The following CEP83 variants were observed in gnomAD, a reference collection of about 807,000 sequenced individuals.
CEP83 encodes centrosomal protein of 83 kDa.
A neutral mutation model predicts 101.9 loss-of-function variants in CEP83; 70 were observed. The observed-to-expected ratio is 0.69, with a 90% CI of 0.57 to 0.84. CEP83 has a LOEUF of 0.84. CEP83 is among the 40% of genes least tolerant of loss of function. The pLI, the probability that CEP83 is intolerant of heterozygous loss-of-function variation, is 0.00. For synonymous variants in CEP83, 264 were observed against 267.9 expected, an observed-to-expected ratio of 0.99 and a Z score of 0.14; for missense variants, 715 against 787.2, an observed-to-expected ratio of 0.91 and a Z score of 1.10.
chr12:94,449,325 C>T (rs1441360835), intron 1 of CEP83, among the ~76,000 whole-genome samples: 1 of 152,178 alleles, frequency 6.6e-6, no homozygotes, highest in African/African-American at 2.4e-5. Context: ...CACAACTGCA[C>T]TAATGAATGC....
At position 94,417,012 on chromosome 12, in the gene CEP83, C is replaced by T. The variant is rs145395903; in HGVS notation, c.-101-4421G>A. On this transcript the variant is annotated intron_variant, in intron 2 of 16. Coordinates refer to ENST00000397809, the MANE Select transcript of CEP83 (RefSeq NM_016122.3). ...AAAAAAACTAAGGTGTCAACAGAGG[C>T]CATCTTAGAAACCTCGACTTGCTAG... Among the ~76,000 whole-genome samples the T allele has an allele frequency of 5.7e-3, 867 of 152,204 alleles. 3 individuals carry two copies. The highest frequency in any genetic ancestry group is 0.02 in the Middle Eastern group (6 of 294).
In CEP83 at chr12:94,322,105, G is replaced by A. The variant is rs543747245; in HGVS notation, c.1708-9088C>T. 1.6e-4 allele frequency among the ~76,000 whole-genome samples: 24 copies of A among 152,252 alleles called. 1 individual carries two copies. The South Asian group carries it at 4.4e-3, about 28-fold the overall frequency. ...CTAACAGGAGGTGGCTAGAGACCTC[G>A]GTTGGGAGATCCTACCTAGTGAGGA... On this transcript the variant is annotated intron_variant, in intron 14 of 16. Coordinates refer to ENST00000397809, the MANE Select transcript of CEP83 (RefSeq NM_016122.3).
At chr12:94,441,845 G>A (rs10859697) in intron 1 of CEP83, among the ~76,000 whole-genome samples, 35,589 of 148,916 alleles carry the variant, frequency 0.24, 4,667 homozygotes, top group South Asian at 0.33. Flanking sequence ...AACCCAGGAG[G>A]CAGAGCTTGC....
At chr12:94,297,226 T>TA in the CEP83 span, 5 of 1,613,970 alleles carry the variant, frequency 3.1e-6, no homozygotes, top group East Asian at 6.7e-5. Context: ...ATTTGGTGAG[T>TA]TCAGGCTTTC....
chr12:94,393,655 A>G (rs1425042550), intron 6 of CEP83, among the ~76,000 whole-genome samples: 1 of 152,236 alleles, frequency 6.6e-6, no homozygotes, highest in African/African-American at 2.4e-5. Flanking sequence ...AATAAAGGGT[A>G]TTCAATTAGG....
intron 11 of CEP83, among the ~76,000 whole-genome samples, chr12:94,347,935 C>G (rs1444481497): frequency 1.3e-5 from 2 of 151,822 alleles, no homozygotes; most frequent in African/African-American, 2.4e-5. Flanking sequence ...AACAATAAAA[C>G]TATAGAAACT....
At chr12:94,281,096 T>C in the CEP83 span, among the ~76,000 whole-genome samples, 2 of 152,282 alleles carry the variant, frequency 1.3e-5, no homozygotes, top group African/African-American at 4.8e-5. Context: ...CTGGCCAACA[T>C]GGTGAAACTC....
chr12:94,357,022 T>C (rs1349636012), intron 11 of CEP83, among the ~76,000 whole-genome samples: 1 of 152,206 alleles, frequency 6.6e-6, no homozygotes, highest in Non-Finnish European at 1.5e-5. Flanking sequence ...CTTCCTTTAG[T>C]GCTATAAAAC....
At chr12:94,391,729 G>A (rs188340663) in intron 6 of CEP83, among the ~76,000 whole-genome samples, 10 of 151,998 alleles carry the variant, frequency 6.6e-5, no homozygotes, top group African/African-American at 2.4e-4. Context: ...GTATTCAGGA[G>A]ACCCATCTCA....
At chr12:94,289,167 T>TCCAAA in the CEP83 span, among the ~76,000 whole-genome samples, 78 of 152,180 alleles carry the variant, frequency 5.1e-4, no homozygotes, top group Non-Finnish European at 6.8e-4. Flanking sequence ...AAATCTTACC[T>TCCAAA]TCACTTGCAA....
At chr12:94,380,794 T>C (rs1236746972) in intron 6 of CEP83, among the ~76,000 whole-genome samples, 5 of 152,172 alleles carry the variant, frequency 3.3e-5, no homozygotes, top group African/African-American at 1.2e-4. Flanking sequence ...GTAGTCCCCA[T>C]TTTACACATA....
chr12:94,378,770 G>A (rs776080204), intron 7 of CEP83, 21 bp downstream of exon 7: 12 of 1,612,564 alleles, frequency 7.4e-6, no homozygotes, highest in Non-Finnish European at 1.0e-5. Flanking sequence ...ATACTCTACT[G>A]GGAAGTAATT....
At chr12:94,292,968 T>C in the CEP83 span, among the ~76,000 whole-genome samples, 2 of 152,212 alleles carry the variant, frequency 1.3e-5, no homozygotes, top group African/African-American at 2.4e-5. Flanking sequence ...TGTCAAAAAA[T>C]AGAAGCCCTC....
intron 11 of CEP83, among the ~76,000 whole-genome samples, chr12:94,340,406 C>A (rs1052498318): frequency 6.6e-6 from 1 of 151,890 alleles, no homozygotes; most frequent in Non-Finnish European, 1.5e-5. Flanking sequence ...CAGGGATGAG[C>A]ATGTGAACTA....
downstream of CEP83, among the ~76,000 whole-genome samples, chr12:94,302,155 G>C (rs1275335255): frequency 6.6e-6 from 1 of 152,154 alleles, no homozygotes; most frequent in Non-Finnish European, 1.5e-5. Context: ...TTACCTACCA[G>C]CTAAAGTCTT....
chr12:94,405,437 G>T (rs1474358442), intron 4 of CEP83, among the ~76,000 whole-genome samples: 5 of 152,108 alleles, frequency 3.3e-5, no homozygotes, highest in Non-Finnish European at 4.4e-5. Flanking sequence ...AGTGGAAGTG[G>T]GTGGGAGAAA....
the CEP83 span, among the ~76,000 whole-genome samples, chr12:94,284,361 T>G: frequency 6.6e-6 from 1 of 152,154 alleles, no homozygotes; most frequent in Non-Finnish European, 1.5e-5. Context: ...TAGTTCAGTC[T>G]ACATCCAGAA....
At chr12:94,278,128 C>G in the CEP83 span, 1 of 412,470 alleles carries the variant, frequency 2.4e-6, no homozygotes, top group Non-Finnish European at 4.8e-6. Flanking sequence ...GCCTGTTAGA[C>G]TCTCCGCTCC....
intron 6 of CEP83, among the ~76,000 whole-genome samples, chr12:94,397,113 C>G (rs1182825646): frequency 1.3e-5 from 2 of 152,180 alleles, no homozygotes; most frequent in Admixed American, 6.5e-5. Context: ...AAAGAAACTT[C>G]AGTCTTATTT....
Sources: allele counts gnomAD v4.1 joint callset (sites outside exome capture counted in the v4.1 genomes callset), GRCh38; gene constraint gnomAD v4.1.1; transcripts MANE v1.5; gene names NCBI Gene and HGNC (gene_info 2026-07-23, HGNC 2026-07-21).